The following USP24 variants were observed in gnomAD, a reference collection of about 807,000 sequenced individuals.
The protein encoded by USP24 is ubiquitin carboxyl-terminal hydrolase 24.
USP24 carries 97 observed loss-of-function variants against 361.6 expected under a neutral mutation model. The observed-to-expected ratio is 0.27, with a 90% CI of 0.23 to 0.32. The LOEUF is 0.32. Among genes scored for constraint, USP24 ranks in the 10% least tolerant of loss-of-function variants. The pLI is 1.00. For missense variants in USP24, 2,353 were observed against 3,165.6 expected (o/e 0.74, Z 6.16); for synonymous variants, 1,098 against 1,124.6 (o/e 0.98, Z 0.47).
chr1:55,088,113 AT>A (rs1645294013), intron 55 of USP24, among the ~76,000 whole-genome samples: 1 of 152,246 alleles, frequency 6.6e-6, no homozygotes, highest in African/African-American at 2.4e-5. Flanking sequence ...CCGCTGAAGA[AT>A]TTTTAACCAG....
rs368211572 is a variant in USP24, at chr1:55,125,402, G to A, written c.3878C>T (p.Ser1293Leu). ...QMSLCGTPEK[S>L]SYRQLSVSDR... ...AGACACGGACAACTGTCGGTAGGAT[G>A]ACTTTTCTGGGGTACCACATAAGGA... Residue 1293 changes from serine (S) to leucine (L), a missense_variant, in exon 34 of 68, where the codon TCA becomes TTA. By Grantham distance (145) the Ser-to-Leu change is moderately radical. Transcript: ENST00000294383. 41 of 1,613,958 alleles carry A rather than the reference G, an allele frequency of 2.5e-5. No individual in the cohort carries two copies. The African/African-American group carries it at 4.9e-4, about 19-fold the overall frequency.
chr1:55,071,566 C>T (rs1309053165), intron 67 of USP24: 3 of 1,307,896 alleles, frequency 2.3e-6, no homozygotes, highest in African/African-American at 3.0e-5. Context: ...TACCTGCAGG[C>T]TGATCAGGGT....
chr1:55,088,135 T>C (rs1310614868), intron 55 of USP24, among the ~76,000 whole-genome samples: 1 of 152,220 alleles, frequency 6.6e-6, no homozygotes, highest in Non-Finnish European at 1.5e-5. Context: ...AGAGGTAATG[T>C]GATCTAATTT....
At chr1:55,089,405 C>T (rs1021424203) in intron 55 of USP24, among the ~76,000 whole-genome samples, 2 of 152,154 alleles carry the variant, frequency 1.3e-5, no homozygotes, top group African/African-American at 4.8e-5. Flanking sequence ...ACCTGGCAGG[C>T]GATCTGCCTC....
chr1:55,145,658 T>C (rs1647008826), intron 20 of USP24, among the ~76,000 whole-genome samples: 1 of 152,212 alleles, frequency 6.6e-6, no homozygotes, highest in Non-Finnish European at 1.5e-5. Context: ...ATGTAAATTA[T>C]ATCTCAATTT....
At chr1:55,176,725 C>T (rs1341768105) in intron 2 of USP24, among the ~76,000 whole-genome samples, 2 of 152,146 alleles carry the variant, frequency 1.3e-5, no homozygotes, top group South Asian at 2.1e-4. Context: ...ACTTACATTT[C>T]CATGTCAGAG....
chr1:55,191,993 C>G (rs1644301922), intron 1 of USP24, among the ~76,000 whole-genome samples: 1 of 152,118 alleles, frequency 6.6e-6, no homozygotes, highest in Admixed American at 6.6e-5. Flanking sequence ...TATCCATATC[C>G]AGAAACTTGC....
chr1:55,100,219 G>A (rs56381927), intron 44 of USP24, among the ~76,000 whole-genome samples: 347 of 152,304 alleles, frequency 2.3e-3, no homozygotes, highest in African/African-American at 7.7e-3. Context: ...ATTCTTGGCC[G>A]GATGTGGTGT....
chr1:55,086,240 G>T, intron 55 of USP24: 1 of 590,970 alleles, frequency 1.7e-6, no homozygotes, highest in East Asian at 2.8e-5. Flanking sequence ...ACCAGCCAAG[G>T]CTCTGTTCAA....
chr1:55,186,959 C>T lies in USP24; in HGVS notation c.325-8827G>A, dbSNP rs555823265. Among the ~76,000 whole-genome samples the T allele has an allele frequency of 7.2e-5, 11 of 152,072 alleles. 1 individual carries two copies. The South Asian group carries it at 2.3e-3, about 32-fold the overall frequency. The stretch of plus-strand genomic sequence containing the variant: ...TATTATCACACTTTAAAATAATATA[C>T]AAAGATACACACACCAAACCAATAT... On this transcript the variant is annotated intron_variant, in intron 1 of 67. Coordinates refer to ENST00000294383, the MANE Select transcript of USP24 (RefSeq NM_015306.3).
At chr1:55,130,311 T>C (rs923026783) in intron 31 of USP24, among the ~76,000 whole-genome samples, 1 of 152,226 alleles carries the variant, frequency 6.6e-6, no homozygotes, top group South Asian at 2.1e-4. Flanking sequence ...AGTTTTCTCA[T>C]CACTAAGTGA....
rs78621146 is a variant in USP24, at chr1:55,196,993, T to A, written c.324+17797A>T. ...TCTGTATTTTATTGAAACAAAGACC[T>A]GCTTATTTCCTTACATATAGCATAT... On this transcript the variant is annotated intron_variant, in intron 1 of 67. Transcript: ENST00000294383. Among the ~76,000 whole-genome samples, 3 of 152,262 alleles carry A rather than the reference T, an allele frequency of 2.0e-5. No homozygotes were observed. The East Asian group carries it at 5.8e-4, about 29-fold the overall frequency.
chr1:55,108,201 C>T (rs1039244424), intron 39 of USP24, among the ~76,000 whole-genome samples: 1 of 152,154 alleles, frequency 6.6e-6, no homozygotes, highest in Non-Finnish European at 1.5e-5. Context: ...GTACAGCTGC[C>T]AGAGTCCAGG....
At position 55,121,455 on chromosome 1, in the gene USP24, A is replaced by G. The variant is rs762906554; in HGVS notation, c.4328T>C (p.Leu1443Pro). ...CVADFIIDIL[L>P]GSPSAEIRRV... ...CCTTACCTCAGCACTTGGTGATCCG[A>G]GCAGAATATCAATGATGAAATCAGC... The change falls in exon 37 of 68, where the codon CTC becomes CCC. Residue 1443 changes from leucine to proline, a missense_variant. Around this residue, in one of 8 missense-constraint regions of USP24, gnomAD observed 949 missense variants for 1,280.5 expected, o/e 0.74. Transcript: ENST00000294383. 5.6e-6 allele frequency: 9 copies of G among 1,613,644 alleles called. No homozygotes were observed. The Admixed American group carries it at 1.5e-4, about 27-fold the overall frequency.
chr1:55,107,552 C>T (rs2100535364), intron 39 of USP24, 122 bp from the exon 40 acceptor site: 1 of 1,217,116 alleles, frequency 8.2e-7, no homozygotes, highest in Non-Finnish European at 1.1e-6. Context: ...CTTTAAAAAA[C>T]TATCATTAAG....
intron 7 of USP24, among the ~76,000 whole-genome samples, chr1:55,164,773 A>G (rs982411851): frequency 6.6e-6 from 1 of 152,000 alleles, no homozygotes; most frequent in Non-Finnish European, 1.5e-5. Context: ...TTTTCATCCA[A>G]GTAGGATAGA....
intron 9 of USP24, 39 bp from the exon 10 acceptor site, chr1:55,159,075 G>A (rs760870870): frequency 2.1e-6 from 3 of 1,398,208 alleles, no homozygotes; most frequent in South Asian, 3.4e-5. Flanking sequence ...AAAAGGAACT[G>A]TAAAAACATT....
chr1:55,206,478 C>T (rs997964118), intron 1 of USP24, among the ~76,000 whole-genome samples: 1 of 152,020 alleles, frequency 6.6e-6, no homozygotes, highest in Non-Finnish European at 1.5e-5. Context: ...GAGCTTAGAA[C>T]AGGAAGGCAG....
At chr1:55,157,448 A>T in intron 10 of USP24, 78 bp from the exon 11 acceptor site, 1 of 810,144 alleles carries the variant, frequency 1.2e-6, no homozygotes, top group Non-Finnish European at 1.8e-6. Context: ...TAATTTTTAC[A>T]ATGTTACAAT....
Sources: allele counts gnomAD v4.1 joint callset (sites outside exome capture counted in the v4.1 genomes callset), GRCh38; gene constraint gnomAD v4.1.1; regional missense constraint gnomAD v4.1.1; transcripts MANE v1.5; gene names NCBI Gene and HGNC (gene_info 2026-07-23, HGNC 2026-07-21).